WDR37: variants seen among roughly 807,000 people sequenced by gnomAD.
The protein encoded by WDR37 is WD repeat domain 37, also known as WD repeat-containing protein 37.
In WDR37, 19 loss-of-function variants were observed where a neutral mutation model predicts 62.9. The observed-to-expected ratio is 0.30, with a 90% confidence interval of 0.21 to 0.44. The LOEUF is 0.44. Among genes scored for constraint, WDR37 ranks in the 20% least tolerant of loss-of-function variants. WDR37 has a pLI of 1.00. For synonymous variants in WDR37, 250 were observed against 260.9 expected, an observed-to-expected ratio of 0.96 and a Z score of 0.40; for missense variants, 474 against 657.6, an observed-to-expected ratio of 0.72 and a Z score of 3.05.
chr10:1,095,683 G>A (rs942251330), intron 8 of WDR37, among the ~76,000 whole-genome samples: 7 of 152,140 alleles, frequency 4.6e-5, no homozygotes, highest in South Asian at 2.1e-4. Context: ...GCGTTTCCTC[G>A]CAAACTGGCT....
At chr10:1,102,422 T>C (rs745386094) in intron 9 of WDR37, among the ~76,000 whole-genome samples, 1 of 152,352 alleles carries the variant, frequency 6.6e-6, no homozygotes, top group South Asian at 2.1e-4. Flanking sequence ...CAGGGTAATT[T>C]ATAAAGAAAA....
At chr10:1,126,206 C>G (rs1390399265) in intron 13 of WDR37, among the ~76,000 whole-genome samples, 2 of 152,048 alleles carry the variant, frequency 1.3e-5, no homozygotes, top group Admixed American at 6.5e-5. Context: ...GAGATCGAGA[C>G]CATCCTGACT....
At chr10:1,071,501 CATAAT>C (rs2131614647) in intron 1 of WDR37, among the ~76,000 whole-genome samples, 1 of 152,226 alleles carries the variant, frequency 6.6e-6, no homozygotes, top group East Asian at 1.9e-4. Context: ...GTGGGTAAAT[CATAAT>C]ATTTAAATTA....
Position 1,076,142 on chromosome 10 carries a change from T to C in WDR37, c.139-1765T>C, listed in dbSNP as rs190800971. Among the ~76,000 whole-genome samples, 89 of 151,984 alleles carry C rather than the reference T, an allele frequency of 5.9e-4. 1 individual carries two copies. The highest frequency in any genetic ancestry group is 1.4e-3 in the African/African-American group (59 of 41,328). On this transcript the variant is annotated intron_variant, in intron 2 of 13. Coordinates refer to ENST00000263150, the MANE Select transcript of WDR37 (RefSeq NM_014023.4). ...AGTTACATTTTCCTTTCTTTTTTTTTCCGTGTTCTTCATTGGTTTTAGAAG... is the reference window on the plus strand; with the variant it reads ...AGTTACATTTTCCTTTCTTTTTTTTCCCGTGTTCTTCATTGGTTTTAGAAG...
chr10:1,070,860 A>T (rs1833706796), intron 1 of WDR37, among the ~76,000 whole-genome samples: 1 of 152,260 alleles, frequency 6.6e-6, no homozygotes, highest in African/African-American at 2.4e-5. Context: ...ATCATTCTAT[A>T]ACAAAGTAAG....
At chr10:1,107,728 CAT>C (rs775233342) in intron 11 of WDR37, among the ~76,000 whole-genome samples, 30 of 151,436 alleles carry the variant, frequency 2.0e-4, no homozygotes, top group African/African-American at 6.3e-4. Context: ...TCTCTTTACA[CAT>C]GTGTACACAC....
At position 1,132,290 on chromosome 10, in the gene WDR37, G is replaced by T. The variant is rs2131705662; in HGVS notation, c.*2946G>T. The T allele has an allele frequency of 6.6e-6, 1 of 152,162 alleles. No individual in the cohort carries two copies. The highest frequency in any genetic ancestry group is 2.1e-4 in the South Asian group (1 of 4,810). The allele number at this position is 152,162 out of a possible 1,614,324, so 9.4% of individuals were successfully genotyped here. A position where few individuals can be genotyped will look rare whatever the true frequency, so the allele number is the denominator to read the frequency against. ...TAGAAATTGAACAAATATAATACTG[G>T]TCACTCGAAAAATTTTTAGACTTAA... On this transcript the variant is annotated 3_prime_UTR_variant, in exon 14 of 14. Coordinates refer to ENST00000263150, the MANE Select transcript of WDR37 (RefSeq NM_014023.4).
In WDR37 at chr10:1,107,197, T is replaced by C. The variant is rs535150518; in HGVS notation, c.1103+1930T>C. Reference sequence around the variant, plus strand: ...GCAGCTCGGGGAGCGCTGCTTCCCATGCATGTTAGCTTGGATGTGGTGCTC... The same window carrying C: ...GCAGCTCGGGGAGCGCTGCTTCCCACGCATGTTAGCTTGGATGTGGTGCTC... On this transcript the variant is annotated intron_variant, in intron 11 of 13. Coordinates refer to ENST00000263150, the MANE Select transcript of WDR37 (RefSeq NM_014023.4). Among the ~76,000 whole-genome samples, 26 of 152,332 alleles carry C rather than the reference T, an allele frequency of 1.7e-4. No individual in the cohort carries two copies. In the South Asian group the frequency reaches 5.0e-3, roughly 29 times the overall value.
chr10:1,128,676 T>C (rs1835873850), intron 13 of WDR37, among the ~76,000 whole-genome samples: 1 of 152,244 alleles, frequency 6.6e-6, no homozygotes, highest in African/African-American at 2.4e-5. Flanking sequence ...TGTCTGACTG[T>C]AATCTTACTC....
At position 1,129,253 on chromosome 10, in the gene WDR37, A is replaced by G. The variant is rs1589130715; in HGVS notation, c.1394A>G (p.Asp465Gly). The stretch of plus-strand genomic sequence containing the variant: ...GTATGCTGCTCGGCATGGAGTGAAG[A>G]CCACCCCGTGTGCAATCTGTTCACC... ...RMVCCSAWSE[D>G]HPVCNLFTCG... Residue 465 changes from aspartate (D) to glycine (G), a missense_variant, in exon 14 of 14, where the codon GAC becomes GGC. Transcript: ENST00000263150. The G allele has an allele frequency of 5.0e-6, 8 of 1,613,866 alleles. No homozygotes were observed. The highest frequency in any genetic ancestry group is 6.8e-6 in the Non-Finnish European group (8 of 1,179,984).
At chr10:1,060,557 A>T (rs1404707599) in intron 1 of WDR37, among the ~76,000 whole-genome samples, 1 of 152,238 alleles carries the variant, frequency 6.6e-6, no homozygotes, top group East Asian at 1.9e-4. Flanking sequence ...ATTTTGAAGG[A>T]AAATAATTAC....
At chr10:1,122,960 C>CT (rs1009280366) in intron 11 of WDR37, among the ~76,000 whole-genome samples, 3 of 152,052 alleles carry the variant, frequency 2.0e-5, no homozygotes, top group African/African-American at 4.8e-5. Flanking sequence ...ATGTCAAACA[C>CT]TTTTTTTTAC....
At chr10:1,106,560 G>A (rs961327996) in intron 11 of WDR37, among the ~76,000 whole-genome samples, 1 of 152,046 alleles carries the variant, frequency 6.6e-6, no homozygotes, top group Non-Finnish European at 1.5e-5. Flanking sequence ...TCTGTCGCCC[G>A]GGCTGGAGTG....
chr10:1,126,392 C>T (rs187050709), intron 13 of WDR37, among the ~76,000 whole-genome samples: 170 of 141,222 alleles, frequency 1.2e-3, no homozygotes, highest in Non-Finnish European at 1.6e-3. Flanking sequence ...GGCGACAGAG[C>T]GAGACTGTGT....
Position 1,129,284 on chromosome 10 carries a change from G to A in WDR37, c.1425G>A (p.Gly475=). The change falls in exon 14 of 14, where the codon GGG becomes GGA. Residue 475 remains glycine, a synonymous_variant. Transcript: ENST00000263150. ...DHPVCNLFTC[G]FDRQAIGWNI... ...CCGTGTGCAATCTGTTCACCTGTGG[G>A]TTTGACCGGCAAGCCATTGGTTGGA... The A allele has an allele frequency of 6.2e-7, 1 of 1,614,106 alleles. No homozygotes were observed. Among genetic ancestry groups the A allele is most frequent in the Non-Finnish European group, 8.5e-7 (1 of 1,180,028 alleles).
In WDR37 at chr10:1,129,624, G is replaced by A. The variant is rs1237088164; in HGVS notation, c.*280G>A. 6 of 337,438 alleles carry A rather than the reference G, an allele frequency of 1.8e-5. 1 individual carries two copies. In the South Asian group the frequency reaches 2.0e-4, roughly 11 times the overall value. The allele number at this position is 337,438 out of a possible 1,614,324, so 20.9% of individuals were successfully genotyped here. On this transcript the variant is annotated 3_prime_UTR_variant, in exon 14 of 14. Transcript: ENST00000263150. ...GCACATGAAATGCTTGTGAGTTGTTGACATTGGACAGGTGAACAGTAGGGC... is the reference window on the plus strand; with the variant it reads ...GCACATGAAATGCTTGTGAGTTGTTAACATTGGACAGGTGAACAGTAGGGC...
chr10:1,122,021 C>T (rs1427583350), intron 11 of WDR37, among the ~76,000 whole-genome samples: 1 of 151,976 alleles, frequency 6.6e-6, no homozygotes, highest in Non-Finnish European at 1.5e-5. Context: ...AGCTGGTGTC[C>T]ACTAAATGAG....
intron 11 of WDR37, among the ~76,000 whole-genome samples, chr10:1,122,327 C>A (rs7899518): frequency 0.54 from 81,484 of 152,048 alleles, 23,796 homozygotes; most frequent in Non-Finnish European, 0.65. Flanking sequence ...TGCTTCAGTG[C>A]GGGGTGAGGC....
rs146382916 is a variant in WDR37, at chr10:1,078,636, G to C, written c.235+633G>C. Among the ~76,000 whole-genome samples the C allele has an allele frequency of 3.3e-5, 5 of 152,208 alleles. No individual in the cohort carries two copies. The East Asian group carries it at 9.7e-4, about 29-fold the overall frequency. ...ACAGTGAAATAAACAGGTCCTTTGC[G>C]CTGCTCTATTACTTTCCAGTTTTTC... On this transcript the variant is annotated intron_variant, in intron 3 of 13. Transcript: ENST00000263150.
Sources: gnomAD v4.1 joint callset for allele counts (sites outside exome capture counted in the v4.1 genomes callset) on GRCh38, gnomAD v4.1.1 for gene constraint, MANE v1.5 for transcripts, NCBI Gene and HGNC (gene_info 2026-07-23, HGNC 2026-07-21) for gene names.